The following B4GALT5 variants were observed in gnomAD, a reference collection of about 807,000 sequenced individuals.
B4GALT5 encodes the protein beta-1,4-galactosyltransferase 5.
B4GALT5 carries 11 observed loss-of-function variants against 45.0 expected under a neutral mutation model. That is an observed-to-expected ratio of 0.24 (90% CI 0.15 to 0.40). B4GALT5 has a LOEUF of 0.40. Among genes scored for constraint, B4GALT5 ranks in the 10% least tolerant of loss-of-function variants. The probability of loss-of-function intolerance (pLI) is 1.00; values close to 1 mark genes in which losing one functional copy is unlikely to be tolerated. For missense variants in B4GALT5, 337 were observed against 500.2 expected (o/e 0.67, Z 3.11); for synonymous variants, 185 against 182.9 (o/e 1.01, Z -0.09).
intron 2 of B4GALT5, among the ~76,000 whole-genome samples, chr20:49,656,274 C>T (rs1170927990): frequency 1.3e-5 from 2 of 152,190 alleles, no homozygotes; most frequent in Non-Finnish European, 2.9e-5. Flanking sequence ...GAAGCAGACG[C>T]TGGCATCACA....
intron 1 of B4GALT5, among the ~76,000 whole-genome samples, chr20:49,669,603 G>A (rs1400824836): frequency 6.6e-6 from 1 of 151,718 alleles, no homozygotes; most frequent in African/African-American, 2.4e-5. Flanking sequence ...GGCTGAGAAA[G>A]GAGAATCACT....
At chr20:49,671,751 T>A (rs1389572645) in intron 1 of B4GALT5, among the ~76,000 whole-genome samples, 1 of 152,210 alleles carries the variant, frequency 6.6e-6, no homozygotes, top group African/African-American at 2.4e-5. Context: ...ACCCAAAATT[T>A]CAAAGTTTCC....
intron 2 of B4GALT5, among the ~76,000 whole-genome samples, chr20:49,647,645 G>A (rs758771307): frequency 2.6e-5 from 4 of 152,180 alleles, no homozygotes; most frequent in South Asian, 2.1e-4. Context: ...AGTACTAGTC[G>A]TCGCTGAGAA....
chr20:49,640,690 T>C, intron 5 of B4GALT5, 25 bp from the exon 6 acceptor site: 1 of 1,561,324 alleles, frequency 6.4e-7, no homozygotes, highest in South Asian at 1.2e-5. Flanking sequence ...ACTTTATCTT[T>C]AAAAGAATCT....
chr20:49,634,505 ACAATTTGAGG>A lies in B4GALT5; in HGVS notation c.*1797_*1806del, dbSNP rs1404269203. ...AATTCTGCAGAAGCCGACAGAGACT[ACAATTTGAGG>A]GCTTTGGTTTGGGGAAAAACAAAGA... On this transcript the variant is annotated 3_prime_UTR_variant, in exon 9 of 9. Coordinates refer to ENST00000371711, the MANE Select transcript of B4GALT5 (RefSeq NM_004776.4). 1 of 152,250 alleles carries A rather than the reference ACAATTTGAGG, an allele frequency of 6.6e-6. No homozygotes were observed. The highest frequency in any genetic ancestry group is 2.4e-5 in the African/African-American group (1 of 41,456). 9.4% of individuals were successfully genotyped at this position (152,250 alleles called of 1,614,324 possible).
At chr20:49,645,268 T>C (rs555478835) in intron 3 of B4GALT5, among the ~76,000 whole-genome samples, 269 of 152,244 alleles carry the variant, frequency 1.8e-3, no homozygotes, top group African/African-American at 6.2e-3. Context: ...TGACTGCCTA[T>C]ACAGTGATGT....
At chr20:49,641,601 C>T (rs2085577212) in intron 5 of B4GALT5, among the ~76,000 whole-genome samples, 1 of 152,196 alleles carries the variant, frequency 6.6e-6, no homozygotes, top group South Asian at 2.1e-4. Context: ...CCCAGCCTTG[C>T]TGAACAGTGG....
Position 49,634,211 on chromosome 20 carries a change from A to C in B4GALT5, c.*2101T>G, listed in dbSNP as rs1984450456. 1 of 152,502 alleles carries C rather than the reference A, an allele frequency of 6.6e-6. No homozygotes were observed. Among genetic ancestry groups the C allele is most frequent in the Non-Finnish European group, 1.5e-5 (1 of 68,022 alleles). 9.4% of individuals were successfully genotyped at this position (152,502 alleles called of 1,614,324 possible). ...CAAAAACACAAACAAACAAACAAACAAAACAAGGCCTGGCCAATCACTCCC... is the reference window on the plus strand; with the variant it reads ...CAAAAACACAAACAAACAAACAAACCAAACAAGGCCTGGCCAATCACTCCC... On this transcript the variant is annotated 3_prime_UTR_variant, in exon 9 of 9. Transcript: ENST00000371711.
intron 2 of B4GALT5, among the ~76,000 whole-genome samples, chr20:49,648,396 G>T (rs980059828): frequency 6.6e-6 from 1 of 152,158 alleles, no homozygotes; most frequent in Non-Finnish European, 1.5e-5. Flanking sequence ...CCAGGATGGG[G>T]AAATGGGTCT....
intron 1 of B4GALT5, among the ~76,000 whole-genome samples, chr20:49,680,301 C>T (rs1019647020): frequency 6.6e-6 from 1 of 151,996 alleles, no homozygotes; most frequent in African/African-American, 2.4e-5. Flanking sequence ...CTATGGAGAC[C>T]CTTCTGCAGC....
chr20:49,672,328 T>C (rs941744553), intron 1 of B4GALT5, among the ~76,000 whole-genome samples: 2 of 152,224 alleles, frequency 1.3e-5, no homozygotes, highest in Admixed American at 1.3e-4. Flanking sequence ...ATCAGAGCCA[T>C]GCTTTCCATA....
intron 1 of B4GALT5, among the ~76,000 whole-genome samples, chr20:49,685,571 C>T (rs554419376): frequency 6.6e-6 from 1 of 152,118 alleles, no homozygotes. Flanking sequence ...CAGTGCTCAC[C>T]GGACAATCAT....
At chr20:49,653,157 T>C (rs2085628941) in intron 2 of B4GALT5, among the ~76,000 whole-genome samples, 1 of 152,254 alleles carries the variant, frequency 6.6e-6, no homozygotes, top group African/African-American at 2.4e-5. Context: ...ATATCTGCAT[T>C]ATACTTACCA....
chr20:49,646,976 A>AG lies in B4GALT5; in HGVS notation c.352dup (p.Leu118ProfsTer14). ...AGAGCTGTACTCACTCATGGAAGGGAGTCTTTCAGGGCAGGTATGGTTTGC... is the reference window on the plus strand; with the variant it reads ...AGAGCTGTACTCACTCATGGAAGGGAGGTCTTTCAGGGCAGGTATGGTTTGC... On this transcript the variant is annotated frameshift_variant, in exon 3 of 9. Transcript: ENST00000371711. LOFTEE classifies it high-confidence loss of function. 1 of 1,609,968 alleles carries AG rather than the reference A, an allele frequency of 6.2e-7. No individual in the cohort carries two copies. Among genetic ancestry groups the AG allele is most frequent in the Non-Finnish European group, 8.5e-7 (1 of 1,176,376 alleles).
rs1984409475 is a variant in B4GALT5 at position 49,632,948 on chromosome 20, GGTTCTTGAAT to G, written c.*3354_*3363del. On this transcript the variant is annotated 3_prime_UTR_variant, in exon 9 of 9. Coordinates refer to ENST00000371711, the MANE Select transcript of B4GALT5 (RefSeq NM_004776.4). ...CAAAGAGAAATGACCACCAAGGTTTGGTTCTTGAATATGTATTTTTTACTGAAAAAATCAT... is the reference window on the plus strand; with the variant it reads ...CAAAGAGAAATGACCACCAAGGTTTGATGTATTTTTTACTGAAAAAATCAT... The G allele has an allele frequency of 6.6e-6, 1 of 152,390 alleles. No homozygotes were observed. The highest frequency in any genetic ancestry group is 2.4e-5 in the African/African-American group (1 of 41,418). 9.4% of individuals were successfully genotyped at this position (152,390 alleles called of 1,614,324 possible). A position where few individuals can be genotyped will look rare whatever the true frequency, so the allele number is the denominator to read the frequency against.
At chr20:49,666,825 C>A (rs1014314414) in intron 1 of B4GALT5, among the ~76,000 whole-genome samples, 1 of 152,178 alleles carries the variant, frequency 6.6e-6, no homozygotes, top group Non-Finnish European at 1.5e-5. Flanking sequence ...AATAATTCAA[C>A]CTTACCCCCA....
intron 1 of B4GALT5, among the ~76,000 whole-genome samples, chr20:49,709,574 C>T (rs2085899079): frequency 2.0e-5 from 3 of 152,118 alleles, no homozygotes; most frequent in South Asian, 2.1e-4. Flanking sequence ...GAGTTCGAGA[C>T]GAACCTGGCC....
Position 49,633,351 on chromosome 20 carries a change from C to G in B4GALT5, c.*2961G>C, listed in dbSNP as rs1984424909. The G allele has an allele frequency of 6.7e-6, 1 of 148,552 alleles. No homozygotes were observed. Among genetic ancestry groups the G allele is most frequent in the Non-Finnish European group, 1.5e-5 (1 of 67,410 alleles). The allele number at this position is 148,552 out of a possible 1,614,324, so 9.2% of individuals were successfully genotyped here. A position where few individuals can be genotyped will look rare whatever the true frequency, so the allele number is the denominator to read the frequency against. ...CGGGGACACCTTTCCCTGCACACAG[C>G]AATCAAAGACAAGATTAAGGGGCCA... On this transcript the variant is annotated 3_prime_UTR_variant, in exon 9 of 9. Transcript: ENST00000371711.
chr20:49,700,032 T>G lies in B4GALT5; in HGVS notation c.115+13544A>C, dbSNP rs149463535. On this transcript the variant is annotated intron_variant, in intron 1 of 8. Coordinates refer to ENST00000371711, the MANE Select transcript of B4GALT5 (RefSeq NM_004776.4). ...CCCACCCTTGCCCGCCACATGTGAA[T>G]AGCTGATCAAAGACTCAAAAGAATG... Among the ~76,000 whole-genome samples the G allele has an allele frequency of 2.8e-3, 419 of 152,256 alleles. 4 individuals are homozygous for G. Among genetic ancestry groups the G allele is most frequent in the African/African-American group, 9.5e-3 (396 of 41,552 alleles).
Sources: gnomAD v4.1 joint callset for allele counts (sites outside exome capture counted in the v4.1 genomes callset) on GRCh38, gnomAD v4.1.1 for gene constraint, MANE v1.5 for transcripts, NCBI Gene and HGNC (gene_info 2026-07-23, HGNC 2026-07-21) for gene names.